ANKRD44: variants seen among roughly 807,000 people sequenced by gnomAD.
The protein encoded by ANKRD44 is serine/threonine-protein phosphatase 6 regulatory ankyrin repeat subunit B.
Under a neutral mutation model 116.0 loss-of-function variants are expected in ANKRD44, and 35 were observed. The ratio of observed to expected loss-of-function variants is 0.30; its 90% CI spans 0.23 to 0.40. The LOEUF (loss-of-function observed/expected upper bound fraction) is 0.40, where lower values mean the gene tolerates loss of function less well. ANKRD44 is among the 10% of genes least tolerant of loss of function. The pLI, the probability that ANKRD44 is intolerant of heterozygous loss-of-function variation, is 1.00. For missense variants in ANKRD44, 1,014 were observed against 1,242.6 expected (o/e 0.82, Z 2.77); for synonymous variants, 435 against 461.8 (o/e 0.94, Z 0.74).
At chr2:197,224,698 T>G (rs1037994246) in intron 1 of ANKRD44, among the ~76,000 whole-genome samples, 4 of 152,248 alleles carry the variant, frequency 2.6e-5, no homozygotes, top group Non-Finnish European at 5.9e-5. Flanking sequence ...TATCTATTTT[T>G]TAAGCCCCAT....
At chr2:197,117,325 C>T (rs546269354) in intron 8 of ANKRD44, among the ~76,000 whole-genome samples, 2 of 152,200 alleles carry the variant, frequency 1.3e-5, no homozygotes, top group Non-Finnish European at 2.9e-5. Flanking sequence ...CTGCAACCTA[C>T]GCCTCTCAGA....
At chr2:196,999,264 G>T (rs1195017090) in intron 23 of ANKRD44, among the ~76,000 whole-genome samples, 1 of 152,160 alleles carries the variant, frequency 6.6e-6, no homozygotes. Flanking sequence ...TGGGAGGGGG[G>T]TGTGTGTTGG....
chr2:197,011,112 A>G (rs927770147), intron 18 of ANKRD44, among the ~76,000 whole-genome samples: 3 of 152,212 alleles, frequency 2.0e-5, no homozygotes, highest in Admixed American at 1.3e-4. Flanking sequence ...TGTTCTTACA[A>G]TTACACTAAA....
rs575128358 is a variant in ANKRD44, at chr2:197,236,888, A to G, written c.28-49782T>C. On this transcript the variant is annotated intron_variant, in intron 1 of 27. Transcript: ENST00000282272. ...GCTACTGTTTTTAGCTTACTCCCACAGAAGTGGCAAAGGCATATCTGCCTC... is the reference window on the plus strand; with the variant it reads ...GCTACTGTTTTTAGCTTACTCCCACGGAAGTGGCAAAGGCATATCTGCCTC... Among the ~76,000 whole-genome samples, 21 of 152,324 alleles carry G rather than the reference A, an allele frequency of 1.4e-4. 1 individual carries two copies. The South Asian group carries it at 3.9e-3, about 29-fold the overall frequency.
At chr2:197,286,431 G>A (rs1054493596) in intron 1 of ANKRD44, among the ~76,000 whole-genome samples, 1 of 150,330 alleles carries the variant, frequency 6.7e-6, no homozygotes, top group Non-Finnish European at 1.5e-5. Flanking sequence ...CTGAAGTGCA[G>A]TAGCAAGATC....
At chr2:197,219,750 A>G (rs1424302124) in intron 1 of ANKRD44, among the ~76,000 whole-genome samples, 1 of 151,898 alleles carries the variant, frequency 6.6e-6, no homozygotes, top group Non-Finnish European at 1.5e-5. Flanking sequence ...TTTTTTTTTA[A>G]TTTTTATATT....
intron 1 of ANKRD44, among the ~76,000 whole-genome samples, chr2:197,299,204 G>T: frequency 6.7e-6 from 1 of 149,492 alleles, no homozygotes; most frequent in Admixed American, 6.7e-5. Flanking sequence ...TCTTACAATT[G>T]ATTTTTTAAA....
intron 2 of ANKRD44, among the ~76,000 whole-genome samples, chr2:197,186,307 C>G (rs1403817249): frequency 6.6e-6 from 1 of 152,148 alleles, no homozygotes; most frequent in African/African-American, 2.4e-5. Context: ...CCATAAACCA[C>G]AGTAGCAACA....
intron 2 of ANKRD44, among the ~76,000 whole-genome samples, chr2:197,184,452 GCC>G (rs2080599047): frequency 1.3e-5 from 2 of 151,994 alleles, no homozygotes; most frequent in Admixed American, 1.3e-4. Flanking sequence ...GACCAGCCTG[GCC>G]AACATGGTGA....
chr2:197,002,890 G>T (rs1197565510), intron 21 of ANKRD44, among the ~76,000 whole-genome samples: 1 of 152,100 alleles, frequency 6.6e-6, no homozygotes, highest in Non-Finnish European at 1.5e-5. Flanking sequence ...ATCTACCTCA[G>T]AATGATGTAG....
chr2:197,073,686 A>T (rs1292121270), intron 16 of ANKRD44, among the ~76,000 whole-genome samples: 1 of 152,176 alleles, frequency 6.6e-6, no homozygotes, highest in African/African-American at 2.4e-5. Context: ...AAGGCATTCT[A>T]TCTCCTCCAC....
rs192270317 is a variant in ANKRD44, at chr2:197,178,650, G to A, written c.111+8373C>T. On this transcript the variant is annotated intron_variant, in intron 2 of 27. Transcript: ENST00000282272. The stretch of plus-strand genomic sequence containing the variant: ...CAAATAGCCAAAAAATATATTAGAT[G>A]TTTACTTGATTGACAAAGGTAACCA... Among the ~76,000 whole-genome samples the A allele has an allele frequency of 5.0e-3, 763 of 152,192 alleles. 3 individuals carry two copies. The highest frequency in any genetic ancestry group is 8.1e-3 in the Non-Finnish European group (549 of 68,002).
chr2:197,156,002 T>C (rs969777097), intron 2 of ANKRD44, among the ~76,000 whole-genome samples: 1 of 152,150 alleles, frequency 6.6e-6, no homozygotes, highest in Non-Finnish European at 1.5e-5. Context: ...GGCAAAAGAT[T>C]TGAACAGATA....
In ANKRD44 at chr2:197,078,747, T is replaced by A. The variant is rs747270189; in HGVS notation, c.1606A>T (p.Ile536Leu). 6.2e-7 allele frequency: 1 copy of A among 1,612,876 alleles called. No homozygotes were observed. Among genetic ancestry groups the A allele is most frequent in the Non-Finnish European group, 8.5e-7 (1 of 1,179,276 alleles). Residue 536 changes from isoleucine to leucine, a missense_variant, in exon 16 of 28, where the codon ATA becomes TTA. Transcript: ENST00000282272. Reference protein sequence around the residue: ...SIRDKEGYNSIHYAAAYGHRQ... With the variant: ...SIRDKEGYNSLHYAAAYGHRQ... ...TGCCCATAGGCGGCAGCATAATGTA[T>A]GCTATTGTAACCTTCCTTGTCCCGG...
At chr2:197,090,101 T>C in intron 10 of ANKRD44, 69 bp from the exon 11 acceptor site, 2 of 1,214,460 alleles carry the variant, frequency 1.6e-6, no homozygotes, top group Non-Finnish European at 2.4e-6. Context: ...GACAATTACC[T>C]TTCTAGATTC....
At chr2:197,042,347 T>G (rs1429756681) in intron 16 of ANKRD44, among the ~76,000 whole-genome samples, 1 of 152,190 alleles carries the variant, frequency 6.6e-6, no homozygotes, top group Non-Finnish European at 1.5e-5. Context: ...CCTGTTACCT[T>G]GTCCTTTGGC....
intron 1 of ANKRD44, among the ~76,000 whole-genome samples, chr2:197,290,431 GA>G (rs1442464752): frequency 6.6e-6 from 1 of 152,096 alleles, no homozygotes; most frequent in Admixed American, 6.6e-5. Context: ...TTCTTGATGG[GA>G]TTATTTTTTT....
chr2:196,996,170 G>C (rs1388679374), intron 25 of ANKRD44, among the ~76,000 whole-genome samples: 2 of 152,200 alleles, frequency 1.3e-5, no homozygotes, highest in African/African-American at 4.8e-5. Flanking sequence ...CTGGGAGTTA[G>C]AACTGCTGAA....
At position 197,025,415 on chromosome 2, in the gene ANKRD44, G is replaced by A. The variant is rs2076573007; in HGVS notation, c.1651-148C>T. ...GATATAACATATCTAAAACAAATAT[G>A]CTAACAGAATATTTAAACTTCTAGA... is the stretch of plus-strand genomic sequence containing the variant. On this transcript the variant is annotated intron_variant, in intron 16 of 27. Transcript: ENST00000282272. The A allele has an allele frequency of 7.1e-6, 4 of 564,062 alleles. No individual in the cohort carries two copies. In the Admixed American group the frequency reaches 1.1e-4, roughly 16 times the overall value. The allele number at this position is 564,062 out of a possible 1,614,324, so 34.9% of individuals were successfully genotyped here.
Sources: gnomAD v4.1 joint callset for allele counts (sites outside exome capture counted in the v4.1 genomes callset) on GRCh38, gnomAD v4.1.1 for gene constraint, MANE v1.5 for transcripts, NCBI Gene and HGNC (gene_info 2026-07-23, HGNC 2026-07-21) for gene names.